Variants in PRKG1 observed in about 807,000 individuals in gnomAD.
PRKG1 encodes the protein protein kinase cGMP-dependent 1, also known as cGMP-dependent protein kinase 1.
A neutral mutation model predicts 88.1 loss-of-function variants in PRKG1; 35 were observed. That is an observed-to-expected ratio of 0.40 (90% CI 0.30 to 0.53). The LOEUF (loss-of-function observed/expected upper bound fraction) is 0.53, where lower values mean the gene tolerates loss of function less well. Among genes scored for constraint, PRKG1 ranks in the 20% least tolerant of loss-of-function variants. The probability of loss-of-function intolerance (pLI) is 0.59; values close to 1 mark genes in which losing one functional copy is unlikely to be tolerated. For missense variants in PRKG1, 540 were observed against 839.8 expected (o/e 0.64, Z 4.41); for synonymous variants, 303 against 292.5 (o/e 1.04, Z -0.37).
rs537637237 is a variant in PRKG1, at chr10:52,134,159, A to G, written c.1001+254A>G. On this transcript the variant is annotated intron_variant, in intron 8 of 17. Transcript: ENST00000373980. ...GCTCATTTGTAAACTGAGGTAATGA[A>G]ATATCATACAGATATTTTGAGGATT... 2.0e-5 allele frequency among the ~76,000 whole-genome samples: 3 copies of G among 152,286 alleles called. No individual in the cohort carries two copies. The South Asian group carries it at 6.2e-4, about 32-fold the overall frequency.
chr10:51,490,034 A>G lies in PRKG1; in HGVS notation c.592+22198A>G, dbSNP rs556320406. The stretch of plus-strand genomic sequence containing the variant: ...CACTTAAAATGTAAGTGTTCCTCCC[A>G]TACAAGTGATCAGTTTCATTTCTAA... On this transcript the variant is annotated intron_variant, in intron 3 of 17. Transcript: ENST00000373980. Among the ~76,000 whole-genome samples the G allele has an allele frequency of 3.2e-3, 490 of 152,230 alleles. 1 individual carries two copies. Among genetic ancestry groups the G allele is most frequent in the Middle Eastern group, 0.014 (4 of 292 alleles).
intron 5 of PRKG1, among the ~76,000 whole-genome samples, chr10:51,988,227 A>G (rs989663086): frequency 6.6e-6 from 1 of 152,020 alleles, no homozygotes; most frequent in Admixed American, 6.6e-5. Context: ...TTCATTGGCT[A>G]TATTTATTTA....
chr10:52,113,636 ACTGT>A (rs915905404), intron 7 of PRKG1, among the ~76,000 whole-genome samples: 7 of 152,120 alleles, frequency 4.6e-5, no homozygotes, highest in African/African-American at 9.7e-5. Flanking sequence ...GACAGCTGTG[ACTGT>A]CTGGTAGTAA....
At chr10:51,341,735 T>C (rs1842008155) in intron 2 of PRKG1, among the ~76,000 whole-genome samples, 1 of 152,182 alleles carries the variant, frequency 6.6e-6, no homozygotes, top group Admixed American at 6.5e-5. Flanking sequence ...CTCATGCTGC[T>C]AATAAAGACA....
At chr10:51,713,445 A>G (rs919542264) in intron 3 of PRKG1, among the ~76,000 whole-genome samples, 1 of 152,192 alleles carries the variant, frequency 6.6e-6, no homozygotes, top group African/African-American at 2.4e-5. Flanking sequence ...ATTCTTTTCT[A>G]ATTTTTGATG....
intron 3 of PRKG1, among the ~76,000 whole-genome samples, chr10:51,628,172 C>T (rs543095678): frequency 9.2e-4 from 53 of 57,668 alleles, no homozygotes; most frequent in Non-Finnish European, 1.6e-3. Flanking sequence ...TTATTTATTT[C>T]TTTTCTTTCT....
intron 1 of PRKG1, among the ~76,000 whole-genome samples, chr10:50,994,551 G>GT (rs1387591158): frequency 6.6e-6 from 1 of 151,770 alleles, no homozygotes; most frequent in Non-Finnish European, 1.5e-5. Context: ...CACCTCACCT[G>GT]TTTTTTGTAA....
In PRKG1 at chr10:51,942,536, G is replaced by A. The variant is rs1043155383; in HGVS notation, c.762+34966G>A. Among the ~76,000 whole-genome samples, 363 of 150,294 alleles carry A rather than the reference G, an allele frequency of 2.4e-3. 7 individuals carry two copies. The highest frequency in any genetic ancestry group is 2.7e-3 in the Non-Finnish European group (181 of 67,852). On this transcript the variant is annotated intron_variant, in intron 5 of 17. Coordinates refer to ENST00000373980, the MANE Select transcript of PRKG1 (RefSeq NM_006258.4). ...ACTTGAAGTCCTTGCCCATGCCTATGTCCTGAATAGTAATGCCTAGGTTTT... is the reference window on the plus strand; with the variant it reads ...ACTTGAAGTCCTTGCCCATGCCTATATCCTGAATAGTAATGCCTAGGTTTT...
chr10:51,996,129 G>A (rs1408112568), intron 5 of PRKG1, among the ~76,000 whole-genome samples: 2 of 151,576 alleles, frequency 1.3e-5, no homozygotes, highest in South Asian at 2.1e-4. Context: ...TGGCCAATCC[G>A]GTGAAACACC....
In PRKG1 at chr10:52,125,689, G is replaced by A. The variant is rs529377787; in HGVS notation, c.936-8151G>A. On this transcript the variant is annotated intron_variant, in intron 7 of 17. Transcript: ENST00000373980. ...TAACTTTTGCAGTTTGAATGCAACA[G>A]CAAAACTAACACAAATGTATTTTTC... 3.3e-5 allele frequency: 5 copies of A among 152,244 alleles called. No individual in the cohort carries two copies. In the East Asian group the frequency reaches 9.7e-4, roughly 29 times the overall value. 9.4% of individuals were successfully genotyped at this position (152,244 alleles called of 1,614,324 possible).
At chr10:51,603,434 G>A (rs944220167) in intron 3 of PRKG1, among the ~76,000 whole-genome samples, 4 of 152,212 alleles carry the variant, frequency 2.6e-5, no homozygotes, top group African/African-American at 7.2e-5. Flanking sequence ...AACCAAGGAA[G>A]AAGGAATGTA....
At chr10:51,202,028 T>C (rs1356196715) in intron 2 of PRKG1, among the ~76,000 whole-genome samples, 1 of 152,222 alleles carries the variant, frequency 6.6e-6, no homozygotes, top group African/African-American at 2.4e-5. Flanking sequence ...CTGTGAGCTA[T>C]TAGAGGTGTT....
chr10:51,561,959 A>C (rs1297465837), intron 3 of PRKG1, among the ~76,000 whole-genome samples: 1 of 152,148 alleles, frequency 6.6e-6, no homozygotes, highest in African/African-American at 2.4e-5. Flanking sequence ...ACAGTGACTC[A>C]TGCCTATAAT....
rs1842409021 is a variant in PRKG1, at chr10:52,297,658, T to C, written c.*3758T>C. The C allele has an allele frequency of 6.6e-6, 1 of 152,202 alleles. No individual in the cohort carries two copies. The highest frequency in any genetic ancestry group is 2.4e-5 in the African/African-American group (1 of 41,462). The allele number at this position is 152,202 out of a possible 1,614,324, so 9.4% of individuals were successfully genotyped here. A position where few individuals can be genotyped will look rare whatever the true frequency, so the allele number is the denominator to read the frequency against. The stretch of plus-strand genomic sequence containing the variant: ...ATATATGACATTCTATCAGTCTGTA[T>C]ACAGGTATTCCTGTTTTGCTAAGCT... On this transcript the variant is annotated 3_prime_UTR_variant, in exon 18 of 18. Coordinates refer to ENST00000373980, the MANE Select transcript of PRKG1 (RefSeq NM_006258.4).
At chr10:51,584,654 T>A (rs1838126783) in intron 3 of PRKG1, among the ~76,000 whole-genome samples, 1 of 152,074 alleles carries the variant, frequency 6.6e-6, no homozygotes, top group South Asian at 2.1e-4. Context: ...TGTTTCTGAG[T>A]ACCTAATAAA....
At chr10:51,848,179 A>G (rs1185142295) in intron 4 of PRKG1, among the ~76,000 whole-genome samples, 1 of 152,188 alleles carries the variant, frequency 6.6e-6, no homozygotes, top group Non-Finnish European at 1.5e-5. Flanking sequence ...GTATGTGTTA[A>G]TTACAACAGG....
intron 7 of PRKG1, among the ~76,000 whole-genome samples, chr10:52,114,354 A>G (rs1333202800): frequency 6.6e-6 from 1 of 151,936 alleles, no homozygotes; most frequent in African/African-American, 2.4e-5. Flanking sequence ...TTCTTCGTCT[A>G]TTGGGGGAGG....
chr10:51,786,593 C>T (rs12774315), intron 3 of PRKG1, among the ~76,000 whole-genome samples: 96 of 152,222 alleles, frequency 6.3e-4, no homozygotes, highest in Non-Finnish European at 1.1e-3. Context: ...GTCAGTTGAG[C>T]CTGGCACTCA....
intron 3 of PRKG1, among the ~76,000 whole-genome samples, chr10:51,487,194 C>T (rs1840572501): frequency 6.6e-6 from 1 of 152,074 alleles, no homozygotes; most frequent in South Asian, 2.1e-4. Context: ...AGAATGTAAA[C>T]CCTTAAAGCT....
Sources: gnomAD v4.1 joint callset for allele counts (sites outside exome capture counted in the v4.1 genomes callset) on GRCh38, gnomAD v4.1.1 for gene constraint, MANE v1.5 for transcripts, NCBI Gene and HGNC (gene_info 2026-07-23, HGNC 2026-07-21) for gene names.